GRIN2A: variants seen among roughly 807,000 people sequenced by gnomAD.
The protein encoded by GRIN2A is glutamate ionotropic receptor NMDA type subunit 2A.
Under a neutral mutation model 113.4 loss-of-function variants are expected in GRIN2A, and 22 were observed. The ratio of observed to expected loss-of-function variants is 0.19; its 90% CI spans 0.14 to 0.28. The LOEUF (loss-of-function observed/expected upper bound fraction) is 0.28. GRIN2A is among the 10% of genes least tolerant of loss of function. The pLI, the probability that GRIN2A is intolerant of heterozygous loss-of-function variation, is 1.00. For synonymous variants in GRIN2A, 827 were observed against 738.4 expected (o/e 1.12, Z -1.94); for missense variants, 1,502 against 1,887.0 (o/e 0.80, Z 3.78).
intron 4 of GRIN2A, among the ~76,000 whole-genome samples, chr16:9,871,218 C>A (rs963427688): frequency 2.0e-5 from 3 of 152,104 alleles, no homozygotes; most frequent in Admixed American, 2.0e-4. Flanking sequence ...AACCACCAAG[C>A]CTCATTCACA....
chr16:9,889,919 C>G (rs2043660207), intron 4 of GRIN2A, among the ~76,000 whole-genome samples: 1 of 152,156 alleles, frequency 6.6e-6, no homozygotes, highest in Non-Finnish European at 1.5e-5. Context: ...AAAGGCTGTG[C>G]ATTTTATAGT....
At chr16:9,936,300 G>T (rs2044712822) in intron 3 of GRIN2A, among the ~76,000 whole-genome samples, 1 of 152,170 alleles carries the variant, frequency 6.6e-6, no homozygotes, top group African/African-American at 2.4e-5. Flanking sequence ...CAGAGATTCT[G>T]ATGCCTGCTG....
intron 2 of GRIN2A, among the ~76,000 whole-genome samples, chr16:10,127,253 G>A (rs1285605764): frequency 6.6e-6 from 1 of 151,426 alleles, no homozygotes; most frequent in East Asian, 1.9e-4. Flanking sequence ...CACCTGCCTT[G>A]GTACAAGATG....
At chr16:10,119,660 G>C (rs554952977) in intron 2 of GRIN2A, among the ~76,000 whole-genome samples, 1 of 152,208 alleles carries the variant, frequency 6.6e-6, no homozygotes, top group South Asian at 2.1e-4. Flanking sequence ...CACACATTTG[G>C]TACAGATTAT....
chr16:10,091,083 A>T (rs1242589426), intron 2 of GRIN2A, among the ~76,000 whole-genome samples: 1 of 152,256 alleles, frequency 6.6e-6, no homozygotes, highest in Non-Finnish European at 1.5e-5. Context: ...AAACCCTTGT[A>T]CATTGCTGAT....
At chr16:9,928,162 G>T (rs2044505647) in intron 3 of GRIN2A, among the ~76,000 whole-genome samples, 1 of 152,174 alleles carries the variant, frequency 6.6e-6, no homozygotes, top group South Asian at 2.1e-4. Flanking sequence ...AACCTGGACG[G>T]GGGCTCATTC....
intron 2 of GRIN2A, among the ~76,000 whole-genome samples, chr16:10,109,847 A>T (rs528086093): frequency 2.0e-5 from 3 of 152,198 alleles, no homozygotes; most frequent in Non-Finnish European, 2.9e-5. Flanking sequence ...CATCTCATGT[A>T]CCCCATAAAT....
At chr16:10,134,829 C>A (rs904033513) in intron 2 of GRIN2A, among the ~76,000 whole-genome samples, 1 of 152,104 alleles carries the variant, frequency 6.6e-6, no homozygotes, top group Admixed American at 6.5e-5. Context: ...AATATCTATT[C>A]TTTGCTTCTG....
At chr16:10,027,241 G>C (rs1182382512) in intron 2 of GRIN2A, among the ~76,000 whole-genome samples, 1 of 152,174 alleles carries the variant, frequency 6.6e-6, no homozygotes, top group Non-Finnish European at 1.5e-5. Flanking sequence ...ATCTTATAAA[G>C]GAGTTGCCCA....
chr16:10,043,059 T>C (rs761864175), intron 2 of GRIN2A, among the ~76,000 whole-genome samples: 7 of 152,250 alleles, frequency 4.6e-5, no homozygotes, highest in Admixed American at 1.3e-4. Context: ...TTCTCATAAT[T>C]ACTTGCAGCT....
intron 2 of GRIN2A, among the ~76,000 whole-genome samples, chr16:9,981,981 T>G (rs938718066): frequency 6.6e-6 from 1 of 151,820 alleles, no homozygotes; most frequent in African/African-American, 2.4e-5. Context: ...GAGACGGGGG[T>G]TTCGCCATGT....
Position 9,768,881 on chromosome 16 carries a change from G to A in GRIN2A, c.2565C>T (p.Asp855=), listed in dbSNP as rs767711525. Residue 855 remains aspartate, a synonymous_variant, in exon 12 of 13, where the codon GAC becomes GAT. Coordinates refer to ENST00000330684, the MANE Select transcript of GRIN2A (RefSeq NM_001134407.3). The stretch of plus-strand genomic sequence containing the variant: ...TGATGGAGAAGAGCAACCCAGGCCG[G>A]TCGGAGCACACGCCCGTGAAACAGA... ...LRFCFTGVCS[D]RPGLLFSISR... The A allele has an allele frequency of 6.2e-7, 1 of 1,613,972 alleles. No homozygotes were observed. The highest frequency in any genetic ancestry group is 2.2e-5 in the East Asian group (1 of 44,894).
intron 2 of GRIN2A, among the ~76,000 whole-genome samples, chr16:10,025,106 G>T (rs999866500): frequency 1.3e-5 from 2 of 151,928 alleles, no homozygotes; most frequent in Admixed American, 6.6e-5. Context: ...GAGGAGGAAA[G>T]AAGAGAGGAA....
intron 11 of GRIN2A, among the ~76,000 whole-genome samples, chr16:9,784,160 T>C (rs1280534479): frequency 6.6e-6 from 1 of 152,086 alleles, no homozygotes; most frequent in African/African-American, 2.4e-5. Flanking sequence ...CTGGGTGTGG[T>C]GGCTCACAGC....
chr16:9,808,856 G>A (rs2042031508), intron 10 of GRIN2A, among the ~76,000 whole-genome samples: 1 of 152,084 alleles, frequency 6.6e-6, no homozygotes, highest in African/African-American at 2.4e-5. Flanking sequence ...GAGGTACACA[G>A]AGGACTCCCC....
rs1260368904 is a variant in GRIN2A, at chr16:9,760,422, G to A, written c.*2727C>T. The A allele has an allele frequency of 6.9e-6, 1 of 145,908 alleles. No homozygotes were observed. The highest frequency in any genetic ancestry group is 1.1e-4 in the East Asian group (1 of 8,846). The allele number at this position is 145,908 out of a possible 1,614,324, so 9.0% of individuals were successfully genotyped here. On this transcript the variant is annotated 3_prime_UTR_variant, in exon 13 of 13. Coordinates refer to ENST00000330684, the MANE Select transcript of GRIN2A (RefSeq NM_001134407.3). ...TTGCTTGGGATCATCACATTGAAGAGTCATTGAATTAGTAGAGAAGGGATA... is the reference window on the plus strand; with the variant it reads ...TTGCTTGGGATCATCACATTGAAGAATCATTGAATTAGTAGAGAAGGGATA...
rs2141150540 is a variant in GRIN2A at position 9,768,966 on chromosome 16, G to A, written c.2480C>T (p.Ala827Val). The A allele has an allele frequency of 6.2e-7, 1 of 1,614,110 alleles. No individual in the cohort carries two copies. The highest frequency in any genetic ancestry group is 8.5e-7 in the Non-Finnish European group (1 of 1,179,948). ...MAGVFYMLAA[A>V]MALSLITFIW... is the part of the protein sequence containing the mutation. ...GAAGGTGATGAGGCTAAGGGCCATG[G>A]CGGCAGCCAGCATGTAGAATACGCC... The change falls in exon 12 of 13, where the codon GCC becomes GTC. Residue 827 changes from alanine (A) to valine (V), a missense_variant. By Grantham distance (64) the Ala-to-Val change is moderately conservative (BLOSUM62 0). This residue lies in a region of GRIN2A where 101 missense variants were observed against 240.4 expected (regional missense o/e 0.42). Coordinates refer to ENST00000330684, the MANE Select transcript of GRIN2A (RefSeq NM_001134407.3).
chr16:10,046,865 T>C (rs1381786039), intron 2 of GRIN2A, among the ~76,000 whole-genome samples: 1 of 152,220 alleles, frequency 6.6e-6, no homozygotes, highest in African/African-American at 2.4e-5. Context: ...CACTCAGACT[T>C]CAGCTAACGT....
intron 2 of GRIN2A, among the ~76,000 whole-genome samples, chr16:10,078,848 T>TGCTGACTGACTG (rs1255836506): frequency 6.6e-6 from 1 of 151,766 alleles, no homozygotes; most frequent in Non-Finnish European, 1.5e-5. Flanking sequence ...AAAGGGAGCA[T>TGCTGACTGACTG]GCTGACTGAC....
Sources: gnomAD v4.1 joint callset for allele counts (sites outside exome capture counted in the v4.1 genomes callset) on GRCh38, gnomAD v4.1.1 for gene constraint, gnomAD v4.1.1 regional missense constraint, MANE v1.5 for transcripts, NCBI Gene and HGNC (gene_info 2026-07-23, HGNC 2026-07-21) for gene names.